PCDHGA4: variants seen among roughly 807,000 people sequenced by gnomAD.
PCDHGA4 encodes the protein protocadherin gamma subfamily A, 4, also known as protocadherin gamma-A4.
In PCDHGA4, 38 loss-of-function variants were observed where a neutral mutation model predicts 54.6. That is an observed-to-expected ratio of 0.70 (90% confidence interval 0.54 to 0.91). PCDHGA4 has a LOEUF of 0.91. PCDHGA4 is among the 40% of genes least tolerant of loss of function. The probability of loss-of-function intolerance (pLI) is 0.00; values close to 1 mark genes in which losing one functional copy is unlikely to be tolerated. For synonymous variants in PCDHGA4, 511 were observed against 512.9 expected, an observed-to-expected ratio of 1.00 and a Z score of 0.05; for missense variants, 1,298 against 1,220.9, an observed-to-expected ratio of 1.06 and a Z score of -0.94.
Position 141,432,098 on chromosome 5 carries a change from G to A in PCDHGA4, c.2515-62709G>A. 1.2e-6 allele frequency: 2 copies of A among 1,614,056 alleles called. No homozygotes were observed. Among genetic ancestry groups the A allele is most frequent in the Non-Finnish European group, 1.7e-6 (2 of 1,180,002 alleles). ...CTCGCTGAACGTGGCAGACACCAAC[G>A]ACAACCCGCCGGTCTTCCCTCAGGC... On this transcript the variant is annotated intron_variant, in intron 1 of 3. Transcript: ENST00000571252. The surrounding 1 kb of genome is among the most constrained non-coding windows in gnomAD (Gnocchi z 6.0).
intron 1 of PCDHGA4, chr5:141,430,789 C>A (rs2097310124): frequency 6.6e-7 from 1 of 1,515,808 alleles, no homozygotes; most frequent in Non-Finnish European, 8.8e-7. Context: ...ACCGGGACTA[C>A]AAAGGGCTTG....
intron 1 of PCDHGA4, chr5:141,409,152 T>C: frequency 6.2e-7 from 1 of 1,613,988 alleles, no homozygotes; most frequent in Non-Finnish European, 8.5e-7. Context: ...AGGTACACCA[T>C]GGAAGTGGAA....
In PCDHGA4 at chr5:141,382,960, G is replaced by C. The variant is rs62621829; in HGVS notation, c.2514+25339G>C. The C allele has an allele frequency of 3.2e-4, 511 of 1,607,476 alleles. 2 individuals are homozygous for C. The highest frequency in any genetic ancestry group is 5.5e-5 in the Non-Finnish European group (65 of 1,175,660). On this transcript the variant is annotated intron_variant, in intron 1 of 3. Coordinates refer to ENST00000571252, the MANE Select transcript of PCDHGA4 (RefSeq NM_018917.4). ...ATTCTTCCTGCTCTCCATCCTCCTGGGGACCCCCTGGGAAGCCTGGGCAGG... is the reference window on the plus strand; with the variant it reads ...ATTCTTCCTGCTCTCCATCCTCCTGCGGACCCCCTGGGAAGCCTGGGCAGG...
In PCDHGA4 at chr5:141,490,963, G is replaced by GC; in HGVS notation, c.2515-3838dup. 6.2e-7 allele frequency: 1 copy of GC among 1,613,760 alleles called. No individual in the cohort carries two copies. On this transcript the variant is annotated intron_variant, in intron 1 of 3. Transcript: ENST00000571252. This position sits in a 1 kb window ranked among gnomAD's most constrained non-coding sequence, Gnocchi z 5.4. ...CCCACGGCCAGACTGGGAACACTCA[G>GC]CCCCCCAGCGTCTCCCTCGCTCTGC...
chr5:141,357,452 A>C lies in PCDHGA4; in HGVS notation c.2345A>C (p.Gln782Pro). The C allele has an allele frequency of 6.2e-7, 1 of 1,614,228 alleles. No homozygotes were observed. The highest frequency in any genetic ancestry group is 8.5e-7 in the Non-Finnish European group (1 of 1,180,050). The change falls in exon 1 of 4, where the codon CAG (glutamine) becomes CCG (proline). Residue 782 changes from glutamine to proline, a missense_variant. Physicochemically the swap from Gln to Pro is moderately conservative, Grantham distance 76. Coordinates refer to ENST00000571252, the MANE Select transcript of PCDHGA4 (RefSeq NM_018917.4). ...VGVDGVRAFLQTYSHEVSLTA... is the reference protein window; with the variant it reads ...VGVDGVRAFLPTYSHEVSLTA... ...GTGGACGGGGTTCGGGCTTTCCTGC[A>C]GACCTATTCCCACGAGGTCTCCCTC...
intron 1 of PCDHGA4, chr5:141,413,462 G>C (rs750915907): frequency 1.9e-6 from 3 of 1,614,120 alleles, no homozygotes; most frequent in Non-Finnish European, 2.5e-6. Flanking sequence ...AGGATAGACC[G>C]GGAGGAGCTC....
intron 1 of PCDHGA4, among the ~76,000 whole-genome samples, chr5:141,484,281 C>T (rs969039536): frequency 6.6e-6 from 1 of 152,202 alleles, no homozygotes; most frequent in Admixed American, 6.5e-5. Context: ...TGTTTTGAAA[C>T]ATCTCCCTCT....
At chr5:141,406,070 T>A (rs1451280596) in intron 1 of PCDHGA4, among the ~76,000 whole-genome samples, 1 of 136,270 alleles carries the variant, frequency 7.3e-6, no homozygotes, top group Admixed American at 7.2e-5. Flanking sequence ...AAATTCTTAC[T>A]CCTTTTTTTT....
chr5:141,475,823 T>C (rs2099373850), intron 1 of PCDHGA4: 1 of 360,288 alleles, frequency 2.8e-6, no homozygotes, highest in Non-Finnish European at 5.0e-6. Context: ...TTCCTGGCGC[T>C]AGCGCGTGTC....
chr5:141,387,763 A>T, intron 1 of PCDHGA4: 2 of 1,425,584 alleles, frequency 1.4e-6, no homozygotes, highest in South Asian at 1.5e-5. Context: ...GAAAAAGAAG[A>T]ATTTTTTCTT....
At chr5:141,408,765 G>A (rs1276364659) in intron 1 of PCDHGA4, 1 of 1,611,036 alleles carries the variant, frequency 6.2e-7, no homozygotes, top group East Asian at 2.2e-5. Context: ...AATTCCGATG[G>A]TGGCAAATAC....
intron 1 of PCDHGA4, among the ~76,000 whole-genome samples, chr5:141,472,869 C>T (rs919331906): frequency 6.6e-6 from 1 of 151,388 alleles, no homozygotes; most frequent in Non-Finnish European, 1.5e-5. Context: ...GCCTGTATTC[C>T]CAGCTACTCG....
At chr5:141,414,134 A>T in intron 1 of PCDHGA4, 1 of 1,595,028 alleles carries the variant, frequency 6.3e-7, no homozygotes, top group South Asian at 1.1e-5. Flanking sequence ...GGTTTCTATG[A>T]AATAGAAATA....
At position 141,355,579 on chromosome 5, in the gene PCDHGA4, A is replaced by C; in HGVS notation, c.472A>C (p.Asn158His). The change falls in exon 1 of 4, where the codon AAT becomes CAT. Residue 158 changes from asparagine to histidine, a missense_variant. Asn to His is a moderately conservative substitution (Grantham distance 68). Coordinates refer to ENST00000571252, the MANE Select transcript of PCDHGA4 (RefSeq NM_018917.4). ...LRVEVEIIDV[N>H]DNPPSFGTEQ... ...GGTAGAGGTGGAAATAATCGATGTT[A>C]ATGATAACCCACCCAGTTTTGGGAC... is the stretch of plus-strand genomic sequence containing the variant. 6.2e-7 allele frequency: 1 copy of C among 1,614,014 alleles called. No individual in the cohort carries two copies.
chr5:141,390,464 T>C (rs2092153361), intron 1 of PCDHGA4: 3 of 718,912 alleles, frequency 4.2e-6, no homozygotes, highest in Admixed American at 3.0e-5. Flanking sequence ...GTAGGAGCAA[T>C]TGTGTGGCCC....
Position 141,476,072 on chromosome 5 carries a change from C to A in PCDHGA4, c.2515-18735C>A. 1.3e-6 allele frequency: 2 copies of A among 1,523,462 alleles called. No individual in the cohort carries two copies. The highest frequency in any genetic ancestry group is 1.3e-5 in the South Asian group (1 of 77,998). 94.4% of individuals were successfully genotyped at this position (1,523,462 alleles called of 1,614,324 possible). The stretch of plus-strand genomic sequence containing the variant: ...CGCTGAAAGTTTCTCAGCGAAATCT[C>A]AGGGACGATCTGGACCCCGCTGAGA... On this transcript the variant is annotated intron_variant, in intron 1 of 3. Coordinates refer to ENST00000571252, the MANE Select transcript of PCDHGA4 (RefSeq NM_018917.4). The surrounding 1 kb of genome is among the most constrained non-coding windows in gnomAD (Gnocchi z 7.6).
intron 2 of PCDHGA4, among the ~76,000 whole-genome samples, chr5:141,504,651 G>A (rs905210723): frequency 8.4e-6 from 1 of 119,750 alleles, no homozygotes; most frequent in Non-Finnish European, 1.6e-5. Flanking sequence ...ATGATAGAGT[G>A]TTTGAGGGCG....
intron 1 of PCDHGA4, among the ~76,000 whole-genome samples, chr5:141,473,191 G>C (rs28479996): frequency 6.6e-6 from 1 of 152,134 alleles, no homozygotes; most frequent in South Asian, 2.1e-4. Flanking sequence ...AGGAGTAAAT[G>C]TATCTTCTAA....
intron 1 of PCDHGA4, chr5:141,393,628 G>A: frequency 6.2e-7 from 1 of 1,613,922 alleles, no homozygotes; most frequent in African/African-American, 1.3e-5. Context: ...CCGGATGAGG[G>A]AATCAACGGA....
Sources: allele counts gnomAD v4.1 joint callset (sites outside exome capture counted in the v4.1 genomes callset), GRCh38; gene constraint gnomAD v4.1.1; non-coding constraint Gnocchi (gnomAD v3.1); transcripts MANE v1.5; gene names NCBI Gene and HGNC (gene_info 2026-07-23, HGNC 2026-07-21).